The following SLMAP variants were observed in gnomAD, a reference collection of about 807,000 sequenced individuals.
SLMAP encodes the protein sarcolemma associated protein.
In SLMAP, 44 loss-of-function variants were observed where a neutral mutation model predicts 128.8. The ratio of observed to expected loss-of-function variants is 0.34; its 90% CI spans 0.27 to 0.44. The LOEUF (loss-of-function observed/expected upper bound fraction) is 0.44. Ranked by LOEUF, SLMAP falls within the 20% of genes least tolerant of loss-of-function variation. The pLI is 1.00. For missense variants in SLMAP, 787 were observed against 985.3 expected (o/e 0.80, Z 2.69); for synonymous variants, 327 against 348.8 (o/e 0.94, Z 0.70).
intron 8 of SLMAP, among the ~76,000 whole-genome samples, chr3:57,859,589 G>T (rs1226858880): frequency 1.3e-5 from 2 of 152,104 alleles, no homozygotes; most frequent in Non-Finnish European, 2.9e-5. Flanking sequence ...AATGGCCATT[G>T]TTTTTTGTAA....
intron 15 of SLMAP, chr3:57,891,024 T>C (rs373323524): frequency 3.3e-5 from 5 of 152,190 alleles, no homozygotes; most frequent in African/African-American, 1.2e-4. Context: ...GCATCATTAA[T>C]ATTGTTTTGG....
intron 14 of SLMAP, among the ~76,000 whole-genome samples, chr3:57,886,556 G>GA (rs1199510569): frequency 1.4e-5 from 2 of 144,204 alleles, no homozygotes; most frequent in African/African-American, 5.1e-5. Flanking sequence ...AAATGTCCCA[G>GA]AAAATATAAG....
intron 6 of SLMAP, among the ~76,000 whole-genome samples, chr3:57,853,969 A>ATATG (rs2094619267): frequency 1.2e-5 from 1 of 85,950 alleles, no homozygotes; most frequent in African/African-American, 4.9e-5. Context: ...ATATATATAT[A>ATATG]TATATATATA....
At chr3:57,784,734 G>T (rs2083741444) in intron 2 of SLMAP, among the ~76,000 whole-genome samples, 1 of 152,202 alleles carries the variant, frequency 6.6e-6, no homozygotes, top group Non-Finnish European at 1.5e-5. Context: ...GTTAAGGTTT[G>T]CATGTGTCTG....
chr3:57,839,104 A>AC (rs71091313), intron 3 of SLMAP, among the ~76,000 whole-genome samples: 1 of 150,930 alleles, frequency 6.6e-6, no homozygotes, highest in Non-Finnish European at 1.5e-5. Context: ...GGTGTGCACC[A>AC]CCCCCACCCT....
At chr3:57,914,770 C>T (rs142520197) in intron 21 of SLMAP, among the ~76,000 whole-genome samples, 3,960 of 151,658 alleles carry the variant, frequency 0.026, 183 homozygotes, top group African/African-American at 0.09. Context: ...TTAGTAGAGA[C>T]GGGGTTTCTC....
chr3:57,914,556 A>C (rs1011857323), intron 21 of SLMAP, among the ~76,000 whole-genome samples: 1 of 152,098 alleles, frequency 6.6e-6, no homozygotes, highest in African/African-American at 2.4e-5. Flanking sequence ...TATGAGATCT[A>C]TACATATCTC....
rs1407889880 is a variant in SLMAP, at chr3:57,757,631, G to C, written c.-21G>C. On this transcript the variant is annotated 5_prime_UTR_variant, in exon 2 of 25. Transcript: ENST00000671191. ...ACTCCTCTTTGTCCCTGGTAGGAGA[G>C]ACACCCCCAGTCTATCCTCGATGCC... 10 of 1,612,854 alleles carry C rather than the reference G, an allele frequency of 6.2e-6. No individual in the cohort carries two copies. The highest frequency in any genetic ancestry group is 8.5e-6 in the Non-Finnish European group (10 of 1,179,522).
chr3:57,761,783 C>G (rs1247484603), intron 2 of SLMAP, among the ~76,000 whole-genome samples: 1 of 150,324 alleles, frequency 6.7e-6, no homozygotes, highest in East Asian at 2.0e-4. Flanking sequence ...CGCGGTGGCT[C>G]ACGCCTGTAA....
At chr3:57,785,050 G>A (rs2083813846) in intron 2 of SLMAP, among the ~76,000 whole-genome samples, 2 of 152,068 alleles carry the variant, frequency 1.3e-5, no homozygotes, top group African/African-American at 4.8e-5. Context: ...TAGTTATAAA[G>A]TATTCAGTCT....
intron 6 of SLMAP, among the ~76,000 whole-genome samples, chr3:57,853,979 AT>A (rs1172031688): frequency 2.9e-5 from 3 of 105,260 alleles, no homozygotes; most frequent in Admixed American, 1.0e-4. Context: ...ATATATATAT[AT>A]ATATATATAT....
At chr3:57,857,200 G>T (rs1411194678) in intron 6 of SLMAP, among the ~76,000 whole-genome samples, 3 of 152,122 alleles carry the variant, frequency 2.0e-5, no homozygotes, top group Non-Finnish European at 4.4e-5. Flanking sequence ...TGCAGTTAGA[G>T]AACCTCTAAT....
At chr3:57,794,995 C>T (rs968317506) in intron 2 of SLMAP, among the ~76,000 whole-genome samples, 1 of 152,174 alleles carries the variant, frequency 6.6e-6, no homozygotes, top group Admixed American at 6.5e-5. Flanking sequence ...TCTTGAGGAA[C>T]TGCCAAAATG....
At chr3:57,773,484 A>G (rs1415056633) in intron 2 of SLMAP, among the ~76,000 whole-genome samples, 1 of 152,224 alleles carries the variant, frequency 6.6e-6, no homozygotes, top group African/African-American at 2.4e-5. Context: ...ATCCATGACT[A>G]TGTTAAGTGA....
chr3:57,870,898 T>C (rs2095466385), intron 13 of SLMAP, among the ~76,000 whole-genome samples: 2 of 152,250 alleles, frequency 1.3e-5, no homozygotes, highest in South Asian at 4.1e-4. Flanking sequence ...AGTAACTCTT[T>C]AAATCACAAT....
At chr3:57,798,397 C>T (rs1053139302) in intron 2 of SLMAP, among the ~76,000 whole-genome samples, 22 of 152,124 alleles carry the variant, frequency 1.4e-4, no homozygotes, top group African/African-American at 5.3e-4. Flanking sequence ...CTAAAAATCT[C>T]ATACTTGATT....
intron 2 of SLMAP, among the ~76,000 whole-genome samples, chr3:57,828,903 C>T (rs2093128476): frequency 6.6e-6 from 1 of 152,080 alleles, no homozygotes; most frequent in Non-Finnish European, 1.5e-5. Context: ...AGCTCAACCT[C>T]CCGAGTAGTT....
chr3:57,855,399 G>GAAAAC (rs1560262523), intron 6 of SLMAP, among the ~76,000 whole-genome samples: 1 of 151,654 alleles, frequency 6.6e-6, no homozygotes, highest in East Asian at 1.9e-4. Flanking sequence ...GAAAAGAAAA[G>GAAAAC]AAAAAGATAG....
intron 4 of SLMAP, among the ~76,000 whole-genome samples, chr3:57,842,153 A>G (rs922953606): frequency 3.9e-4 from 59 of 152,134 alleles, no homozygotes; most frequent in African/African-American, 1.3e-3. Flanking sequence ...ATTGAAGGAA[A>G]AGTAGAGCAT....
Sources: gnomAD v4.1 joint callset for allele counts (sites outside exome capture counted in the v4.1 genomes callset) on GRCh38, gnomAD v4.1.1 for gene constraint, MANE v1.5 for transcripts, NCBI Gene and HGNC (gene_info 2026-07-23, HGNC 2026-07-21) for gene names.